The following RAD51B variants were observed in gnomAD, a reference collection of about 807,000 sequenced individuals.
The protein encoded by RAD51B is DNA repair protein RAD51 homolog 2.
Under a neutral mutation model 42.2 loss-of-function variants are expected in RAD51B, and 38 were observed. The observed-to-expected ratio is 0.90, with a 90% CI of 0.70 to 1.18. RAD51B has a LOEUF of 1.18. Among genes scored for constraint, RAD51B ranks in the 50% most tolerant of loss-of-function variants. The pLI, the probability that RAD51B is intolerant of heterozygous loss-of-function variation, is 0.00. For synonymous variants in RAD51B, 154 were observed against 145.2 expected (o/e 1.06, Z -0.43); for missense variants, 373 against 400.7 (o/e 0.93, Z 0.59).
rs1227930206 is a variant in RAD51B at position 68,432,701 on chromosome 14, A to T, written c.957+21174A>T. Among the ~76,000 whole-genome samples the T allele has an allele frequency of 2.6e-5, 4 of 152,148 alleles. No homozygotes were observed. In the East Asian group the frequency reaches 7.7e-4, roughly 29 times the overall value. On this transcript the variant is annotated intron_variant, in intron 9 of 10. Transcript: ENST00000471583. The stretch of plus-strand genomic sequence containing the variant: ...GCACACTGATAGGTCTTGACTCTTT[A>T]TCCAACTTGCCAGTCTGTGTCTTTT...
At chr14:68,411,211 C>G (rs149589683) in intron 8 of RAD51B, among the ~76,000 whole-genome samples, 1 of 152,288 alleles carries the variant, frequency 6.6e-6, no homozygotes, top group East Asian at 1.9e-4. Flanking sequence ...CAGTGGTGGT[C>G]ACTTTCACCA....
At chr14:68,014,249 A>G (rs867516652) in intron 7 of RAD51B, among the ~76,000 whole-genome samples, 5 of 127,942 alleles carry the variant, frequency 3.9e-5, no homozygotes, top group Admixed American at 2.5e-4. Context: ...GTAACTTTGT[A>G]TGAGTTATTG....
chr14:68,150,261 C>T (rs1438993897), intron 7 of RAD51B, among the ~76,000 whole-genome samples: 1 of 152,116 alleles, frequency 6.6e-6, no homozygotes, highest in Non-Finnish European at 1.5e-5. Flanking sequence ...TTTTATTTCT[C>T]CAACTTTGTT....
chr14:67,920,277 A>AT (rs951192434), intron 7 of RAD51B, among the ~76,000 whole-genome samples: 28 of 151,756 alleles, frequency 1.8e-4, no homozygotes, highest in African/African-American at 6.0e-4. Flanking sequence ...TTAATAATGG[A>AT]TTTTTTTTCT....
rs139311197 is a variant in RAD51B at position 67,930,966 on chromosome 14, G to A, written c.756+43762G>A. 6.6e-4 allele frequency among the ~76,000 whole-genome samples: 99 copies of A among 150,242 alleles called. 1 individual carries two copies. Among genetic ancestry groups the A allele is most frequent in the African/African-American group, 2.2e-3 (90 of 40,456 alleles). ...GACGGAGTCTCGCTCTGTTGCCCAG[G>A]TTGGAGTGCAGTGGTGCGATCTCAG... On this transcript the variant is annotated intron_variant, in intron 7 of 10. Coordinates refer to ENST00000471583, the MANE Select transcript of RAD51B (RefSeq NM_133510.4).
chr14:68,461,538 G>T (rs571317156), intron 9 of RAD51B, among the ~76,000 whole-genome samples: 1 of 152,036 alleles, frequency 6.6e-6, no homozygotes, highest in Non-Finnish European at 1.5e-5. Flanking sequence ...CTACCTTTGA[G>T]GATTATTGTG....
intron 10 of RAD51B, among the ~76,000 whole-genome samples, chr14:68,522,498 GGA>G (rs1280507630): frequency 2.0e-5 from 3 of 152,136 alleles, no homozygotes; most frequent in African/African-American, 7.2e-5. Flanking sequence ...TGGAGCCGCT[GGA>G]AGGCTCCATA....
At chr14:68,265,800 A>G (rs1235586401) in intron 7 of RAD51B, among the ~76,000 whole-genome samples, 2 of 152,192 alleles carry the variant, frequency 1.3e-5, no homozygotes, top group Non-Finnish European at 2.9e-5. Flanking sequence ...TAATATAATA[A>G]TATGATAAAT....
chr14:67,897,399 A>G (rs1196974733), intron 7 of RAD51B, among the ~76,000 whole-genome samples: 1 of 152,192 alleles, frequency 6.6e-6, no homozygotes, highest in Non-Finnish European at 1.5e-5. Flanking sequence ...CTCAATAGTA[A>G]AACAAGAACA....
At chr14:68,410,945 G>GA (rs905856938) in intron 8 of RAD51B, among the ~76,000 whole-genome samples, 6 of 151,926 alleles carry the variant, frequency 3.9e-5, no homozygotes, top group Non-Finnish European at 7.4e-5. Flanking sequence ...TGTATACGGG[G>GA]GGGTGGGAGG....
intron 7 of RAD51B, among the ~76,000 whole-genome samples, chr14:67,976,177 C>T (rs755870807): frequency 6.6e-6 from 1 of 151,488 alleles, no homozygotes; most frequent in Non-Finnish European, 1.5e-5. Flanking sequence ...AGTGCAGTGG[C>T]GTGATTATGG....
intron 8 of RAD51B, among the ~76,000 whole-genome samples, chr14:68,317,369 G>A (rs1369940698): frequency 2.0e-5 from 3 of 152,138 alleles, no homozygotes; most frequent in Non-Finnish European, 2.9e-5. Context: ...CACATGGATA[G>A]TGAGACAATG....
At chr14:68,141,845 A>G (rs1355575055) in intron 7 of RAD51B, among the ~76,000 whole-genome samples, 1 of 152,074 alleles carries the variant, frequency 6.6e-6, no homozygotes, top group Non-Finnish European at 1.5e-5. Context: ...TTTATCCTTT[A>G]TCTCAGGTGT....
chr14:67,824,152 C>A (rs1294006004), intron 2 of RAD51B, among the ~76,000 whole-genome samples: 1 of 152,234 alleles, frequency 6.6e-6, no homozygotes, highest in East Asian at 1.9e-4. Context: ...TCTTGAACTC[C>A]TGGCCTTAAG....
intron 10 of RAD51B, among the ~76,000 whole-genome samples, chr14:68,484,409 G>GC (rs1216587553): frequency 8.9e-5 from 13 of 146,472 alleles, no homozygotes; most frequent in African/African-American, 3.1e-4. Flanking sequence ...CCAGGCTGGA[G>GC]TACAGTGGCG....
intron 7 of RAD51B, among the ~76,000 whole-genome samples, chr14:67,947,574 T>G (rs2045438964): frequency 6.6e-6 from 1 of 152,170 alleles, no homozygotes; most frequent in Non-Finnish European, 1.5e-5. Context: ...GTTTTTATAT[T>G]CATAATTTCT....
intron 7 of RAD51B, among the ~76,000 whole-genome samples, chr14:68,287,634 T>A (rs1332689361): frequency 2.6e-5 from 4 of 152,158 alleles, no homozygotes; most frequent in Non-Finnish European, 5.9e-5. Context: ...TTTAGGGAAA[T>A]AGCAAAAATA....
chr14:68,345,581 G>A (rs756106708), intron 8 of RAD51B, among the ~76,000 whole-genome samples: 4 of 152,104 alleles, frequency 2.6e-5, no homozygotes, highest in Non-Finnish European at 4.4e-5. Context: ...ACCAGAAGCT[G>A]AGCAGATGCC....
intron 7 of RAD51B, among the ~76,000 whole-genome samples, chr14:68,086,399 G>GA: frequency 6.6e-6 from 1 of 152,152 alleles, no homozygotes; most frequent in East Asian, 1.9e-4. Flanking sequence ...ATAGGCACAG[G>GA]ATGGGGGGCG....
Sources: allele counts gnomAD v4.1 joint callset (sites outside exome capture counted in the v4.1 genomes callset), GRCh38; gene constraint gnomAD v4.1.1; transcripts MANE v1.5; gene names NCBI Gene and HGNC (gene_info 2026-07-23, HGNC 2026-07-21).